ZNF354B: variants seen among roughly 807,000 people sequenced by gnomAD.
ZNF354B encodes the protein zinc finger protein 354B.
Under a neutral mutation model 12.9 loss-of-function variants are expected in ZNF354B, and 10 were observed. That is an observed-to-expected ratio of 0.77 (90% confidence interval 0.48 to 1.31). The LOEUF is 1.31. Among genes scored for constraint, ZNF354B ranks in the 40% most tolerant of loss-of-function variants. ZNF354B has a pLI of 0.00. For missense variants in ZNF354B, 614 were observed against 711.7 expected, an observed-to-expected ratio of 0.86 and a Z score of 1.56; for synonymous variants, 260 against 243.7, an observed-to-expected ratio of 1.07 and a Z score of -0.62.
At chr5:178,866,099 A>G in intron 2 of ZNF354B, 145 bp from the exon 3 acceptor site, 1 of 1,218,144 alleles carries the variant, frequency 8.2e-7, no homozygotes, top group Non-Finnish European at 1.1e-6. Flanking sequence ...GTTACTGGCC[A>G]ATTATTCATT....
chr5:178,873,626 G>A (rs1581813032), intron 4 of ZNF354B, among the ~76,000 whole-genome samples: 1 of 152,108 alleles, frequency 6.6e-6, no homozygotes, highest in African/African-American at 2.4e-5. Flanking sequence ...CCATTGTTCT[G>A]TGTTTCTGTT....
At chr5:178,862,775 C>T (rs115094182) in intron 2 of ZNF354B, among the ~76,000 whole-genome samples, 1,692 of 152,300 alleles carry the variant, frequency 0.011, 39 homozygotes, top group African/African-American at 0.039. Context: ...CATTCCTATT[C>T]CATTCTCACA....
chr5:178,863,479 G>C (rs148234211), intron 2 of ZNF354B, among the ~76,000 whole-genome samples: 208 of 152,256 alleles, frequency 1.4e-3, no homozygotes, highest in African/African-American at 4.5e-3. Context: ...GTTTTGTGGT[G>C]ATGCTGGTAT....
chr5:178,865,717 C>T (rs1398871149), intron 2 of ZNF354B, among the ~76,000 whole-genome samples: 2 of 152,110 alleles, frequency 1.3e-5, no homozygotes, highest in Admixed American at 6.5e-5. Context: ...GTGTCTGGCC[C>T]ATGTAAAGCA....
Position 178,883,228 on chromosome 5 carries a change from A to G in ZNF354B, c.776A>G (p.Gln259Arg), listed in dbSNP as rs371937600. 1 of 1,612,178 alleles carries G rather than the reference A, an allele frequency of 6.2e-7. No individual in the cohort carries two copies. Among genetic ancestry groups the G allele is most frequent in the African/African-American group, 1.3e-5 (1 of 74,752 alleles). The change falls in exon 5 of 5, where the codon CAA (glutamine) becomes CGA (arginine). Residue 259 changes from glutamine to arginine, a missense_variant. Coordinates refer to ENST00000322434, the MANE Select transcript of ZNF354B (RefSeq NM_058230.3). ...TTCAGCCAAAGTTCTGCTCTTATTC[A>G]ACATCAAAGAACTCATACAGGAGAG... ...KAFSQSSALIQHQRTHTGEKP... is the reference protein window; with the variant it reads ...KAFSQSSALIRHQRTHTGEKP...
chr5:178,862,937 G>A (rs1033487430), intron 2 of ZNF354B, among the ~76,000 whole-genome samples: 1 of 152,188 alleles, frequency 6.6e-6, no homozygotes, highest in Non-Finnish European at 1.5e-5. Flanking sequence ...AGACCAGAGA[G>A]TGCAGAGTTC....
chr5:178,863,435 C>G (rs890386506), intron 2 of ZNF354B, among the ~76,000 whole-genome samples: 2 of 152,070 alleles, frequency 1.3e-5, no homozygotes, highest in African/African-American at 4.8e-5. Flanking sequence ...GACTAAGTAG[C>G]TATTGTAACA....
At chr5:178,862,394 T>C (rs1425241186) in intron 2 of ZNF354B, among the ~76,000 whole-genome samples, 3 of 136,396 alleles carry the variant, frequency 2.2e-5, no homozygotes, top group South Asian at 4.5e-4. Flanking sequence ...TGAGAGGCAG[T>C]CTTGCTCTGT....
At chr5:178,879,461 TCAA>T (rs1304135622) in intron 4 of ZNF354B, among the ~76,000 whole-genome samples, 5 of 149,830 alleles carry the variant, frequency 3.3e-5, no homozygotes, top group Non-Finnish European at 5.9e-5. Flanking sequence ...CTCACTGCAA[TCAA>T]CGTTTCCTGG....
At chr5:178,868,472 TCTC>T (rs1336371693) in intron 4 of ZNF354B, among the ~76,000 whole-genome samples, 1 of 150,758 alleles carries the variant, frequency 6.6e-6, no homozygotes, top group Non-Finnish European at 1.5e-5. Flanking sequence ...GGGACACAGG[TCTC>T]CTGCTTCTGG....
intron 4 of ZNF354B, among the ~76,000 whole-genome samples, chr5:178,868,549 A>G (rs1253065195): frequency 6.6e-6 from 1 of 152,024 alleles, no homozygotes; most frequent in East Asian, 1.9e-4. Context: ...AGAAGGACAC[A>G]TTCCAGTGAG....
rs1347810268 is a variant in ZNF354B, at chr5:178,884,644, A to G, written c.*353A>G. 1 of 164,984 alleles carries G rather than the reference A, an allele frequency of 6.1e-6. No individual in the cohort carries two copies. The highest frequency in any genetic ancestry group is 1.3e-5 in the Non-Finnish European group (1 of 76,730). The allele number at this position is 164,984 out of a possible 1,614,324, so 10.2% of individuals were successfully genotyped here. A position where few individuals can be genotyped will look rare whatever the true frequency, so the allele number is the denominator to read the frequency against. On this transcript the variant is annotated 3_prime_UTR_variant, in exon 5 of 5. Coordinates refer to ENST00000322434, the MANE Select transcript of ZNF354B (RefSeq NM_058230.3). ...TTGTATAAACTACTATTATATAAAT[A>G]TAAGCATATTTATTACAGCAAACAT...
intron 4 of ZNF354B, among the ~76,000 whole-genome samples, chr5:178,879,444 A>G (rs1056999876): frequency 1.3e-5 from 2 of 152,000 alleles, no homozygotes; most frequent in African/African-American, 2.4e-5. Context: ...CAGAGGCCCA[A>G]TCTCGGCTCA....
At chr5:178,878,034 G>A (rs1245862306) in intron 4 of ZNF354B, among the ~76,000 whole-genome samples, 2 of 152,130 alleles carry the variant, frequency 1.3e-5, no homozygotes, top group Non-Finnish European at 2.9e-5. Flanking sequence ...GAGTTCTGAT[G>A]GGGAGGTGCT....
rs12657931 is a variant in ZNF354B at position 178,878,158 on chromosome 5, C to T, written c.257-4551C>T. 8.1e-3 allele frequency among the ~76,000 whole-genome samples: 1,230 copies of T among 152,018 alleles called. 61 individuals carry two copies. In the East Asian group the frequency reaches 0.13, roughly 16 times the overall value. Reference sequence around the variant, plus strand: ...CAGCACTTTGGGAGGCCGAGGCGGGCGGATCACGAGGTCAGGAGATCGAGA... The same window carrying T: ...CAGCACTTTGGGAGGCCGAGGCGGGTGGATCACGAGGTCAGGAGATCGAGA... On this transcript the variant is annotated intron_variant, in intron 4 of 4. Transcript: ENST00000322434.
intron 2 of ZNF354B, among the ~76,000 whole-genome samples, chr5:178,862,113 C>T (rs142394407): frequency 2.2e-3 from 331 of 152,282 alleles, no homozygotes; most frequent in African/African-American, 7.6e-3. Flanking sequence ...CACCGAGTGT[C>T]TAGCATACCA....
At chr5:178,868,738 C>T (rs1295421048) in intron 4 of ZNF354B, among the ~76,000 whole-genome samples, 4 of 151,914 alleles carry the variant, frequency 2.6e-5, no homozygotes, top group African/African-American at 9.7e-5. Context: ...TTTGGGAGGC[C>T]GAGGCGGGCA....
chr5:178,875,304 T>C (rs534371856), intron 4 of ZNF354B, among the ~76,000 whole-genome samples: 1 of 152,274 alleles, frequency 6.6e-6, no homozygotes, highest in East Asian at 1.9e-4. Context: ...GCCTTTCACT[T>C]GTCTATGGGC....
In ZNF354B at chr5:178,884,489, C is replaced by A; in HGVS notation, c.*198C>A. 1 of 509,794 alleles carries A rather than the reference C, an allele frequency of 2.0e-6. No homozygotes were observed. Among genetic ancestry groups the A allele is most frequent in the Non-Finnish European group, 3.3e-6 (1 of 306,578 alleles). The allele number at this position is 509,794 out of a possible 1,614,324, so 31.6% of individuals were successfully genotyped here. A position where few individuals can be genotyped will look rare whatever the true frequency, so the allele number is the denominator to read the frequency against. ...TCCCGAGACAGTTCACTGTTGCAGA[C>A]ATTGAAATTGGCCATTTGTAAGATA... On this transcript the variant is annotated 3_prime_UTR_variant, in exon 5 of 5. Coordinates refer to ENST00000322434, the MANE Select transcript of ZNF354B (RefSeq NM_058230.3).
Sources: allele counts gnomAD v4.1 joint callset (sites outside exome capture counted in the v4.1 genomes callset), GRCh38; gene constraint gnomAD v4.1.1; transcripts MANE v1.5; gene names NCBI Gene and HGNC (gene_info 2026-07-23, HGNC 2026-07-21).